Variants in TRPM3 observed in about 807,000 individuals in gnomAD.
TRPM3 encodes the protein transient receptor potential cation channel subfamily M member 3.
TRPM3 carries 77 observed loss-of-function variants against 181.2 expected under a neutral mutation model. The ratio of observed to expected loss-of-function variants is 0.42; its 90% CI spans 0.35 to 0.51. TRPM3 has a LOEUF of 0.51. Ranked by LOEUF, TRPM3 falls within the 20% of genes least tolerant of loss-of-function variation. The pLI is 0.01. For missense variants in TRPM3, 1,759 were observed against 2,196.7 expected, an observed-to-expected ratio of 0.80 and a Z score of 3.98; for synonymous variants, 745 against 796.4, an observed-to-expected ratio of 0.94 and a Z score of 1.09.
At chr9:71,175,530 C>T (rs2077064020) in intron 1 of TRPM3, among the ~76,000 whole-genome samples, 1 of 152,104 alleles carries the variant, frequency 6.6e-6, no homozygotes, top group South Asian at 2.1e-4. Context: ...TGAAGGCAGG[C>T]TAGAGTGATG....
chr9:70,941,220 C>T (rs780324325), intron 1 of TRPM3, among the ~76,000 whole-genome samples: 19 of 152,198 alleles, frequency 1.2e-4, no homozygotes, highest in Non-Finnish European at 2.5e-4. Flanking sequence ...ACCTAATCAA[C>T]TACCAGCATG....
intron 6 of TRPM3, among the ~76,000 whole-genome samples, chr9:70,788,063 C>A (rs1028032712): frequency 6.9e-6 from 1 of 145,076 alleles, no homozygotes; most frequent in Admixed American, 7.0e-5. Context: ...GCACATTGTG[C>A]AGGTTAGTTA....
chr9:70,816,894 T>C (rs1365820950), intron 6 of TRPM3, among the ~76,000 whole-genome samples: 1 of 152,220 alleles, frequency 6.6e-6, no homozygotes, highest in Admixed American at 6.5e-5. Flanking sequence ...TTAATCTGAT[T>C]TCCACAGCTA....
At chr9:71,000,776 AGTGAG>A (rs756435465) in intron 1 of TRPM3, among the ~76,000 whole-genome samples, 22 of 152,180 alleles carry the variant, frequency 1.4e-4, no homozygotes, top group Non-Finnish European at 1.5e-5. Flanking sequence ...GACACTGAAA[AGTGAG>A]GTGGAGTCAT....
chr9:71,125,805 G>A (rs1193641110), upstream of TRPM3, among the ~76,000 whole-genome samples: 1 of 152,088 alleles, frequency 6.6e-6, no homozygotes, highest in Non-Finnish European at 1.5e-5. Flanking sequence ...TAGGACATAG[G>A]CACAGGCTAA....
intron 1 of TRPM3, among the ~76,000 whole-genome samples, chr9:71,279,001 A>G (rs1405059282): frequency 6.8e-6 from 1 of 146,456 alleles, no homozygotes; most frequent in Non-Finnish European, 1.5e-5. Flanking sequence ...ACTCATGTCA[A>G]GTTCTCTCCT....
chr9:71,428,649 T>C (rs1406055268), intron 1 of TRPM3, among the ~76,000 whole-genome samples: 1 of 152,192 alleles, frequency 6.6e-6, no homozygotes, highest in Non-Finnish European at 1.5e-5. Context: ...CTAAAACTAC[T>C]AATTCTGATG....
intron 1 of TRPM3, among the ~76,000 whole-genome samples, chr9:71,270,751 G>T (rs1284201581): frequency 2.6e-5 from 4 of 152,194 alleles, no homozygotes; most frequent in Admixed American, 2.6e-4. Flanking sequence ...GCAATATGGT[G>T]AGATGGTGGC....
chr9:71,117,609 G>T (rs1266018138), intron 1 of TRPM3, among the ~76,000 whole-genome samples: 1 of 152,014 alleles, frequency 6.6e-6, no homozygotes, highest in African/African-American at 2.4e-5. Context: ...TAAGTAATTT[G>T]CCCAAGGTCA....
chr9:71,259,017 T>C (rs2082859271), intron 1 of TRPM3, among the ~76,000 whole-genome samples: 1 of 152,100 alleles, frequency 6.6e-6, no homozygotes, highest in South Asian at 2.1e-4. Flanking sequence ...CTACATTAGG[T>C]ATTTCTCCTA....
At chr9:70,589,535 T>C (rs1413051144) in intron 22 of TRPM3, among the ~76,000 whole-genome samples, 1 of 152,170 alleles carries the variant, frequency 6.6e-6, no homozygotes, top group Non-Finnish European at 1.5e-5. Flanking sequence ...AAAATGGTCA[T>C]AGGTGGGTTT....
chr9:70,544,129 T>TG (rs2044251716), intron 25 of TRPM3, among the ~76,000 whole-genome samples: 1 of 151,990 alleles, frequency 6.6e-6, no homozygotes, highest in South Asian at 2.1e-4. Flanking sequence ...CACCAGAAAA[T>TG]GTAGGTAACC....
chr9:70,635,583 G>A (rs2057045196), intron 11 of TRPM3, among the ~76,000 whole-genome samples: 1 of 150,414 alleles, frequency 6.6e-6, no homozygotes, highest in African/African-American at 2.4e-5. Context: ...CTGAGTAGCT[G>A]GGACTACAGG....
chr9:71,109,385 G>T (rs2070513145), intron 1 of TRPM3, among the ~76,000 whole-genome samples: 1 of 151,448 alleles, frequency 6.6e-6, no homozygotes, highest in Non-Finnish European at 1.5e-5. Flanking sequence ...TGCATCCCCT[G>T]AGTCTAGTTT....
rs1214969314 is a variant in TRPM3, at chr9:70,846,467, T to G, written c.587A>C (p.Gln196Pro). 5 of 1,614,168 alleles carry G rather than the reference T, an allele frequency of 3.1e-6. No homozygotes were observed. The South Asian group carries it at 3.3e-5, about 11-fold the overall frequency. The change falls in exon 4 of 26, where the codon CAG (glutamine) becomes CCG (proline). Residue 196 changes from glutamine (Q) to proline (P), a missense_variant. By Grantham distance (76) the Gln-to-Pro change is moderately conservative (BLOSUM62 -1). This residue lies in a region of TRPM3 where 737 missense variants were observed against 957.4 expected (regional missense o/e 0.77). Transcript: ENST00000677713. ...VHGGLQNFEL[Q>P]PKLKQVFGKG... ...CCCAAAGACTTGCTTGAGTTTTGGC[T>G]GGAGTTCAAAGTTCTGCAGGCCCCC...
chr9:71,242,405 G>A (rs2081762324), intron 1 of TRPM3, among the ~76,000 whole-genome samples: 1 of 152,148 alleles, frequency 6.6e-6, no homozygotes, highest in Admixed American at 6.5e-5. Context: ...GTCATGACCG[G>A]ATTAGATGGT....
At chr9:71,084,136 G>A (rs572842895) in intron 1 of TRPM3, among the ~76,000 whole-genome samples, 3 of 151,948 alleles carry the variant, frequency 2.0e-5, no homozygotes, top group South Asian at 2.1e-4. Context: ...TGTTGTGATA[G>A]GTACTTCCTG....
intron 1 of TRPM3, among the ~76,000 whole-genome samples, chr9:71,324,489 G>A (rs1328987734): frequency 6.6e-6 from 1 of 151,358 alleles, no homozygotes; most frequent in East Asian, 1.9e-4. Context: ...AGGATGCAGA[G>A]AAAAGGGAAC....
At chr9:71,125,180 T>C (rs1030332000), upstream of TRPM3, among the ~76,000 whole-genome samples, 4 of 152,178 alleles carry the variant, frequency 2.6e-5, no homozygotes, top group Admixed American at 1.3e-4. Context: ...AATTTTGTTG[T>C]GCTTTGAATT....
Sources: allele counts gnomAD v4.1 joint callset (sites outside exome capture counted in the v4.1 genomes callset), GRCh38; gene constraint gnomAD v4.1.1; regional missense constraint gnomAD v4.1.1; transcripts MANE v1.5; gene names NCBI Gene and HGNC (gene_info 2026-07-23, HGNC 2026-07-21).